The following SEPTIN10 variants were observed in gnomAD, a reference collection of about 807,000 sequenced individuals.
SEPTIN10 encodes the protein septin-10.
Under a neutral mutation model 54.8 loss-of-function variants are expected in SEPTIN10, and 66 were observed. That is an observed-to-expected ratio of 1.21 (90% confidence interval 0.99 to 1.48). The LOEUF is 1.48. SEPTIN10 is among the 40% of genes most tolerant of loss of function. The pLI, the probability that SEPTIN10 is intolerant of heterozygous loss-of-function variation, is 0.00. For synonymous variants in SEPTIN10, 161 were observed against 181.0 expected (o/e 0.89, Z 0.89); for missense variants, 620 against 545.6 (o/e 1.14, Z -1.36).
At chr2:109,581,525 T>TG (rs1691147977) in intron 4 of SEPTIN10, among the ~76,000 whole-genome samples, 1 of 148,048 alleles carries the variant, frequency 6.8e-6, no homozygotes, top group African/African-American at 2.5e-5. Flanking sequence ...AAGAAAGGTC[T>TG]GGGAAAAAAA....
At chr2:109,554,591 A>T (rs1295636542) in intron 8 of SEPTIN10, among the ~76,000 whole-genome samples, 2 of 152,158 alleles carry the variant, frequency 1.3e-5, no homozygotes, top group Non-Finnish European at 2.9e-5. Flanking sequence ...GGGATGAAGA[A>T]CCCAGAGAAA....
chr2:109,579,521 T>A (rs921722981), intron 4 of SEPTIN10, among the ~76,000 whole-genome samples: 2 of 151,810 alleles, frequency 1.3e-5, no homozygotes, highest in Admixed American at 1.3e-4. Context: ...GTAGCTGGGA[T>A]TACAGGCGCC....
At chr2:109,587,741 G>C (rs1247076677) in intron 2 of SEPTIN10, among the ~76,000 whole-genome samples, 4 of 152,042 alleles carry the variant, frequency 2.6e-5, no homozygotes, top group Non-Finnish European at 5.9e-5. Flanking sequence ...GTGAAACCCT[G>C]TGTCTACTAA....
intron 1 of SEPTIN10, 67 bp downstream of exon 1, chr2:109,613,731 C>A (rs1019760279): frequency 1.9e-6 from 2 of 1,077,190 alleles, no homozygotes; most frequent in South Asian, 4.6e-5. Flanking sequence ...GCCGGTGGGT[C>A]GAGGGCGGGA....
At chr2:109,563,602 T>C (rs1248850064) in intron 8 of SEPTIN10, among the ~76,000 whole-genome samples, 1 of 152,140 alleles carries the variant, frequency 6.6e-6, no homozygotes, top group Non-Finnish European at 1.5e-5. Context: ...CCATATAAAA[T>C]TACCAAGGAA....
chr2:109,595,272 C>T (rs2106005275), intron 1 of SEPTIN10, among the ~76,000 whole-genome samples: 1 of 152,314 alleles, frequency 6.6e-6, no homozygotes, highest in South Asian at 2.1e-4. Flanking sequence ...CACGCAAAAG[C>T]TCAGTGAGGG....
intron 1 of SEPTIN10, among the ~76,000 whole-genome samples, chr2:109,603,694 G>A (rs1442673980): frequency 1.3e-5 from 2 of 152,040 alleles, no homozygotes; most frequent in African/African-American, 2.4e-5. Flanking sequence ...AGACACTCAG[G>A]GTATAATGAA....
chr2:109,582,116 A>T (rs1445924345), intron 4 of SEPTIN10, among the ~76,000 whole-genome samples: 1 of 149,938 alleles, frequency 6.7e-6, no homozygotes, highest in Non-Finnish European at 1.5e-5. Context: ...ACACACACTC[A>T]CTCTCACGCA....
chr2:109,565,495 C>T (rs1380919411), intron 7 of SEPTIN10, among the ~76,000 whole-genome samples: 5 of 152,210 alleles, frequency 3.3e-5, no homozygotes, highest in Non-Finnish European at 5.9e-5. Context: ...CTGAACACTA[C>T]TTTCCACATT....
At chr2:109,545,435 C>G (rs1235180229) in intron 10 of SEPTIN10, 2 of 1,536,080 alleles carry the variant, frequency 1.3e-6, no homozygotes, top group Non-Finnish European at 1.7e-6. Flanking sequence ...TCATGGCTGC[C>G]CCCTTGCACT....
intron 4 of SEPTIN10, among the ~76,000 whole-genome samples, chr2:109,577,793 G>A (rs1399640171): frequency 2.0e-5 from 3 of 149,158 alleles, no homozygotes; most frequent in African/African-American, 7.4e-5. Flanking sequence ...TGTGACTGCA[G>A]TACCAGCTAC....
intron 2 of SEPTIN10, among the ~76,000 whole-genome samples, chr2:109,590,271 C>G (rs1270838745): frequency 2.0e-5 from 3 of 151,874 alleles, no homozygotes; most frequent in Non-Finnish European, 4.4e-5. Context: ...AACACCGATG[C>G]CCCTGGTGCA....
chr2:109,582,112 A>ACACACT (rs1223123651), intron 4 of SEPTIN10, among the ~76,000 whole-genome samples: 6 of 139,552 alleles, frequency 4.3e-5, no homozygotes, highest in African/African-American at 1.6e-4. Flanking sequence ...ACACACACAC[A>ACACACT]CTCACTCTCA....
At chr2:109,561,013 C>A (rs1685530287) in intron 8 of SEPTIN10, among the ~76,000 whole-genome samples, 1 of 152,136 alleles carries the variant, frequency 6.6e-6, no homozygotes, top group African/African-American at 2.4e-5. Flanking sequence ...CACATTAGAG[C>A]AAATAATAAT....
intron 5 of SEPTIN10, among the ~76,000 whole-genome samples, chr2:109,572,466 C>T (rs1179888462): frequency 2.0e-5 from 3 of 151,922 alleles, no homozygotes; most frequent in Non-Finnish European, 2.9e-5. Context: ...AAATTGAATC[C>T]AAGTTTGTCC....
rs111382478 is a variant in SEPTIN10, at chr2:109,607,317, G to C, written c.30+6481C>G. Among the ~76,000 whole-genome samples the C allele has an allele frequency of 3.4e-3, 513 of 152,222 alleles. 3 individuals carry two copies. Among genetic ancestry groups the C allele is most frequent in the Middle Eastern group, 0.017 (5 of 294 alleles). ...TGCCTCATTTAACTTATAATGTACA[G>C]AGTATTTAGTCTTAGACTGTTTTCA... On this transcript the variant is annotated intron_variant, in intron 1 of 10. Transcript: ENST00000397712.
In SEPTIN10 at chr2:109,544,055, A is replaced by G. The variant is rs536593756; in HGVS notation, c.*254T>C. ...CACTTGTGGGGTCAAGTCAGTGCTC[A>G]AAAAGATTCAGATTTTGAAGCTTCT... is the stretch of plus-strand genomic sequence containing the variant. On this transcript the variant is annotated 3_prime_UTR_variant, in exon 11 of 11. Transcript: ENST00000397712. The G allele has an allele frequency of 2.7e-5, 32 of 1,204,858 alleles. 2 individuals carry two copies. The highest frequency in any genetic ancestry group is 2.3e-4 in the African/African-American group (15 of 65,084). 74.6% of individuals were successfully genotyped at this position (1,204,858 alleles called of 1,614,324 possible).
intron 5 of SEPTIN10, among the ~76,000 whole-genome samples, chr2:109,568,512 C>T (rs540022376): frequency 6.6e-6 from 1 of 151,942 alleles, no homozygotes; most frequent in South Asian, 2.1e-4. Flanking sequence ...GCTGGGATTA[C>T]AGGCACCTCA....
At chr2:109,589,056 G>C (rs999378696) in intron 2 of SEPTIN10, among the ~76,000 whole-genome samples, 3 of 151,922 alleles carry the variant, frequency 2.0e-5, no homozygotes, top group African/African-American at 7.3e-5. Flanking sequence ...TCAGCCTCTG[G>C]AGTAGTTGGG....
Sources: allele counts gnomAD v4.1 joint callset (sites outside exome capture counted in the v4.1 genomes callset), GRCh38; gene constraint gnomAD v4.1.1; transcripts MANE v1.5; gene names NCBI Gene and HGNC (gene_info 2026-07-23, HGNC 2026-07-21).